ZNF385D: variants seen among roughly 807,000 people sequenced by gnomAD.
The protein encoded by ZNF385D is zinc finger protein 659.
ZNF385D carries 15 observed loss-of-function variants against 35.8 expected under a neutral mutation model. That is an observed-to-expected ratio of 0.42 (90% CI 0.28 to 0.64). ZNF385D has a LOEUF of 0.64. Ranked by LOEUF, ZNF385D falls within the 30% of genes least tolerant of loss-of-function variation. The pLI is 0.23. For synonymous variants in ZNF385D, 212 were observed against 186.8 expected (o/e 1.13, Z -1.10); for missense variants, 474 against 494.6 (o/e 0.96, Z 0.39).
intron 2 of ZNF385D, among the ~76,000 whole-genome samples, chr3:21,565,244 A>G (rs2063102447): frequency 6.6e-6 from 1 of 152,148 alleles, no homozygotes; most frequent in Non-Finnish European, 1.5e-5. Context: ...ACCATCTAGT[A>G]TAGAATGTTA....
intron 3 of ZNF385D, among the ~76,000 whole-genome samples, chr3:22,102,123 G>C (rs1275714704): frequency 2.0e-5 from 3 of 151,816 alleles, no homozygotes; most frequent in African/African-American, 7.3e-5. Flanking sequence ...AAATGCCCTT[G>C]GATTGACAAT....
intron 3 of ZNF385D, among the ~76,000 whole-genome samples, chr3:22,058,145 A>G (rs1028124344): frequency 4.6e-5 from 7 of 152,184 alleles, no homozygotes; most frequent in African/African-American, 9.6e-5. Context: ...GTGGTTCCTT[A>G]AAGTATTGGT....
intron 3 of ZNF385D, among the ~76,000 whole-genome samples, chr3:22,111,391 G>A (rs1388140097): frequency 6.6e-6 from 1 of 151,872 alleles, no homozygotes; most frequent in Non-Finnish European, 1.5e-5. Context: ...CAGTAATCAG[G>A]ATGAGGACAC....
At chr3:22,227,033 C>T (rs973766418) in intron 2 of ZNF385D, among the ~76,000 whole-genome samples, 3 of 152,132 alleles carry the variant, frequency 2.0e-5, no homozygotes, top group African/African-American at 7.2e-5. Context: ...TTTTGGTAGC[C>T]TTCTAGAAAT....
At chr3:21,833,498 G>C (rs1695134656) in intron 3 of ZNF385D, among the ~76,000 whole-genome samples, 1 of 152,144 alleles carries the variant, frequency 6.6e-6, no homozygotes, top group South Asian at 2.1e-4. Flanking sequence ...TCAGAATCTA[G>C]AAGAGGCCAG....
At chr3:21,934,238 G>T (rs896796802) in intron 3 of ZNF385D, among the ~76,000 whole-genome samples, 1 of 152,100 alleles carries the variant, frequency 6.6e-6, no homozygotes, top group Admixed American at 6.5e-5. Flanking sequence ...TATTGTTGAA[G>T]TATATTTTTT....
intron 2 of ZNF385D, among the ~76,000 whole-genome samples, chr3:21,605,080 A>T (rs1365315045): frequency 6.6e-6 from 1 of 152,158 alleles, no homozygotes; most frequent in Non-Finnish European, 1.5e-5. Flanking sequence ...TTGTCCTAAC[A>T]CTTCTTAGTA....
At chr3:22,130,155 C>A (rs769950644) in intron 3 of ZNF385D, among the ~76,000 whole-genome samples, 1 of 152,092 alleles carries the variant, frequency 6.6e-6, no homozygotes. Context: ...ACTCTGCTTG[C>A]TGCTTCATTT....
At chr3:21,925,884 G>C (rs183466831) in intron 3 of ZNF385D, among the ~76,000 whole-genome samples, 1 of 152,238 alleles carries the variant, frequency 6.6e-6, no homozygotes, top group East Asian at 1.9e-4. Flanking sequence ...AAGGCATTTA[G>C]CATCATTAGT....
intron 3 of ZNF385D, among the ~76,000 whole-genome samples, chr3:21,825,536 C>G (rs1188059486): frequency 6.6e-6 from 1 of 151,818 alleles, no homozygotes; most frequent in Non-Finnish European, 1.5e-5. Flanking sequence ...GGCTTACAAG[C>G]CTTGTGAATG....
intron 3 of ZNF385D, among the ~76,000 whole-genome samples, chr3:22,113,789 T>A (rs1219791048): frequency 6.6e-6 from 1 of 152,058 alleles, no homozygotes; most frequent in East Asian, 1.9e-4. Flanking sequence ...TAAAGTCTCT[T>A]CTGCTAAAGG....
At chr3:21,680,561 G>A (rs918599459) in intron 1 of ZNF385D, among the ~76,000 whole-genome samples, 1 of 152,166 alleles carries the variant, frequency 6.6e-6, no homozygotes, top group South Asian at 2.1e-4. Context: ...CACATGTGAT[G>A]TTTAACTAAT....
chr3:21,509,638 A>G (rs1427619020), intron 4 of ZNF385D, among the ~76,000 whole-genome samples: 1 of 152,104 alleles, frequency 6.6e-6, no homozygotes, highest in African/African-American at 2.4e-5. Flanking sequence ...AAACCAAAGG[A>G]GTGAAATAAG....
chr3:21,757,120 C>CTTTTTTT (rs61226426), intron 3 of ZNF385D, among the ~76,000 whole-genome samples: 21,598 of 104,366 alleles, frequency 0.21, 3,058 homozygotes, highest in Non-Finnish European at 0.25. Context: ...ATAAATTTCT[C>CTTTTTTT]TTTTTTTTTT....
chr3:21,436,664 T>G (rs1307238802), intron 5 of ZNF385D, among the ~76,000 whole-genome samples: 4 of 152,088 alleles, frequency 2.6e-5, no homozygotes, highest in East Asian at 1.9e-4. Context: ...TGCATGTAAA[T>G]AAATAAACAA....
chr3:21,720,419 T>C (rs993534289), intron 1 of ZNF385D, among the ~76,000 whole-genome samples: 5 of 152,084 alleles, frequency 3.3e-5, no homozygotes, highest in Non-Finnish European at 7.4e-5. Context: ...CCTGGTGTGG[T>C]GGTACACATC....
At chr3:21,578,159 A>G (rs1338373207) in intron 2 of ZNF385D, among the ~76,000 whole-genome samples, 1 of 151,764 alleles carries the variant, frequency 6.6e-6, no homozygotes, top group African/African-American at 2.4e-5. Flanking sequence ...AGTCATTTGC[A>G]CATTTTTTTA....
At chr3:22,002,253 AAG>A (rs1304617173) in intron 3 of ZNF385D, among the ~76,000 whole-genome samples, 1 of 152,096 alleles carries the variant, frequency 6.6e-6, no homozygotes, top group African/African-American at 2.4e-5. Context: ...AATTAAAAAA[AAG>A]AGTCATTACA....
intron 3 of ZNF385D, among the ~76,000 whole-genome samples, chr3:21,856,777 C>G (rs1452194550): frequency 6.6e-6 from 1 of 152,016 alleles, no homozygotes; most frequent in African/African-American, 2.4e-5. Context: ...TGAGGAACAA[C>G]CAGCTCATAG....
Sources: gnomAD v4.1 joint callset for allele counts (sites outside exome capture counted in the v4.1 genomes callset) on GRCh38, gnomAD v4.1.1 for gene constraint, MANE v1.5 for transcripts, NCBI Gene and HGNC (gene_info 2026-07-23, HGNC 2026-07-21) for gene names.